Variants in SAMD5 observed in about 807,000 individuals in gnomAD.
SAMD5 encodes sterile alpha motif domain-containing protein 5.
In SAMD5, 13 loss-of-function variants were observed where a neutral mutation model predicts 11.3. That is an observed-to-expected ratio of 1.15 (90% CI 0.75 to 1.83). The LOEUF is 1.83. Ranked by LOEUF, SAMD5 falls within the 40% of genes most tolerant of loss-of-function variation. The probability of loss-of-function intolerance (pLI) is 0.00; values close to 1 mark genes in which losing one functional copy is unlikely to be tolerated. For missense variants in SAMD5, 255 were observed against 239.1 expected, an observed-to-expected ratio of 1.07 and a Z score of -0.44; for synonymous variants, 129 against 111.3, an observed-to-expected ratio of 1.16 and a Z score of -1.00.
chr6:147,690,233 T>C (rs1241125392), intron 1 of SAMD5, among the ~76,000 whole-genome samples: 1 of 152,256 alleles, frequency 6.6e-6, no homozygotes, highest in Non-Finnish European at 1.5e-5. Flanking sequence ...TATATTATAC[T>C]CTGTGGCACT....
the SAMD5 span, among the ~76,000 whole-genome samples, chr6:147,764,368 T>C: frequency 1.3e-5 from 2 of 152,198 alleles, no homozygotes; most frequent in African/African-American, 4.8e-5. Flanking sequence ...ATTGAATTCT[T>C]ACAACAAATA....
intron 1 of SAMD5, among the ~76,000 whole-genome samples, chr6:147,625,511 G>A (rs960328172): frequency 6.6e-6 from 1 of 152,158 alleles, no homozygotes; most frequent in Non-Finnish European, 1.5e-5. Context: ...TTCTAACTTG[G>A]AGTTGCAATT....
rs150961885 is a variant in SAMD5 at position 147,597,386 on chromosome 6, A to T, written c.162+87999A>T. On this transcript the variant is annotated intron_variant, in intron 1 of 1. Coordinates refer to the SAMD5 transcript ENST00000566741. ...TTCAACTCTACAGTAAAAGGAGACT[A>T]TTTATTAAAAGAGCCCAGTTGTGGG... is the stretch of plus-strand genomic sequence containing the variant. Among the ~76,000 whole-genome samples, 909 of 152,274 alleles carry T rather than the reference A, an allele frequency of 6.0e-3. 13 individuals are homozygous for T. Among genetic ancestry groups the T allele is most frequent in the African/African-American group, 0.021 (863 of 41,562 alleles).
At chr6:147,898,467 G>T in the SAMD5 span, among the ~76,000 whole-genome samples, 20,597 of 152,104 alleles carry the variant, frequency 0.14, 2,208 homozygotes, top group African/African-American at 0.28. Flanking sequence ...GAAGTGCCTG[G>T]ATGGGCACTT....
At chr6:147,573,622 C>G (rs1171302806), downstream of SAMD5, among the ~76,000 whole-genome samples, 1 of 152,122 alleles carries the variant, frequency 6.6e-6, no homozygotes, top group African/African-American at 2.4e-5. Context: ...GTTCTGTTAT[C>G]TGAAAAGTGA....
chr6:147,764,073 C>A, the SAMD5 span, among the ~76,000 whole-genome samples: 211 of 152,278 alleles, frequency 1.4e-3, no homozygotes, highest in African/African-American at 4.9e-3. Context: ...TCCCAATGGG[C>A]AAATTGCTAA....
intron 1 of SAMD5, among the ~76,000 whole-genome samples, chr6:147,608,726 T>C (rs1162704468): frequency 1.3e-5 from 2 of 152,196 alleles, no homozygotes; most frequent in East Asian, 3.9e-4. Flanking sequence ...TAAGACCTAC[T>C]ATTTGACAGC....
the SAMD5 span, among the ~76,000 whole-genome samples, chr6:147,775,307 T>A: frequency 6.6e-6 from 1 of 152,126 alleles, no homozygotes; most frequent in East Asian, 1.9e-4. Context: ...TCTCATCTGT[T>A]AAATGAGAAT....
In SAMD5 at chr6:147,567,733, A is replaced by G; in HGVS notation, c.*3277A>G. On this transcript the variant is annotated 3_prime_UTR_variant, in exon 2 of 2. Transcript: ENST00000367474. ...AGCTGACTAGAAAACTCAGACATAA[A>G]TTGACATTTCCTTATCATTGCCTGA... is the stretch of plus-strand genomic sequence containing the variant. The G allele has an allele frequency of 2.0e-6, 2 of 985,342 alleles. No individual in the cohort carries two copies. The highest frequency in any genetic ancestry group is 2.4e-6 in the Non-Finnish European group (2 of 829,882). The allele number at this position is 985,342 out of a possible 1,614,324, so 61.0% of individuals were successfully genotyped here. A position where few individuals can be genotyped will look rare whatever the true frequency, so the allele number is the denominator to read the frequency against.
the SAMD5 span, among the ~76,000 whole-genome samples, chr6:147,789,101 A>C: frequency 1.8e-5 from 1 of 55,000 alleles, no homozygotes; most frequent in South Asian, 5.2e-4. Context: ...ACAAACAAAC[A>C]AAAAAAAAAA....
chr6:147,532,286 C>A (rs984675833), intron 1 of SAMD5, among the ~76,000 whole-genome samples: 7 of 151,860 alleles, frequency 4.6e-5, no homozygotes, highest in African/African-American at 9.7e-5. Context: ...TCACTCACTC[C>A]CTCCCACCTT....
intron 1 of SAMD5, among the ~76,000 whole-genome samples, chr6:147,597,403 A>G (rs1035071122): frequency 1.3e-5 from 2 of 152,196 alleles, no homozygotes; most frequent in East Asian, 3.9e-4. Flanking sequence ...AAAAGAGCCC[A>G]GTTGTGGGTT....
Position 147,620,060 on chromosome 6 carries a change from T to G in SAMD5, c.162+110673T>G, listed in dbSNP as rs139331532. On this transcript the variant is annotated intron_variant, in intron 1 of 1. Coordinates refer to the SAMD5 transcript ENST00000566741. ...AAATAAGTTGAATGTTGTTGTTTGG[T>G]CCCCGGAGCCACGTGTAGCCCTTGT... Among the ~76,000 whole-genome samples, 331 of 152,274 alleles carry G rather than the reference T, an allele frequency of 2.2e-3. 3 individuals are homozygous for G. The highest frequency in any genetic ancestry group is 7.7e-3 in the African/African-American group (321 of 41,572).
chr6:147,763,080 C>T, the SAMD5 span, among the ~76,000 whole-genome samples: 2 of 152,028 alleles, frequency 1.3e-5, no homozygotes, highest in Non-Finnish European at 2.9e-5. Context: ...ATATTGGAGT[C>T]TGATGCAAAA....
chr6:147,590,506 G>T (rs374502760), intron 1 of SAMD5, among the ~76,000 whole-genome samples: 3 of 152,042 alleles, frequency 2.0e-5, no homozygotes, highest in African/African-American at 4.8e-5. Context: ...TCCGTCTCCC[G>T]GGCTCAAGCA....
chr6:147,786,895 C>T, the SAMD5 span, among the ~76,000 whole-genome samples: 1 of 152,156 alleles, frequency 6.6e-6, no homozygotes, highest in Non-Finnish European at 1.5e-5. Flanking sequence ...CAGCCACACT[C>T]TGCAGTCACA....
the SAMD5 span, among the ~76,000 whole-genome samples, chr6:147,796,293 A>G: frequency 6.6e-6 from 1 of 151,908 alleles, no homozygotes; most frequent in East Asian, 1.9e-4. Context: ...ATGGCTAGCC[A>G]GTTTTCCCAG....
At chr6:147,734,116 G>A (rs1289372651) in intron 1 of SAMD5, among the ~76,000 whole-genome samples, 2 of 152,152 alleles carry the variant, frequency 1.3e-5, no homozygotes, top group Non-Finnish European at 2.9e-5. Context: ...ACTCTATTAA[G>A]CATCATGATA....
the SAMD5 span, among the ~76,000 whole-genome samples, chr6:147,829,578 T>C: frequency 1.3e-5 from 2 of 152,214 alleles, no homozygotes; most frequent in Admixed American, 1.3e-4. Context: ...TGAATATATT[T>C]ATATATGCAT....
Sources: allele counts gnomAD v4.1 joint callset (sites outside exome capture counted in the v4.1 genomes callset), GRCh38; gene constraint gnomAD v4.1.1; transcripts MANE v1.5; gene names NCBI Gene and HGNC (gene_info 2026-07-23, HGNC 2026-07-21).